AGK: variants seen among roughly 807,000 people sequenced by gnomAD.
AGK encodes the protein acylglycerol kinase.
AGK carries 52 observed loss-of-function variants against 66.4 expected under a neutral mutation model. The ratio of observed to expected loss-of-function variants is 0.78; its 90% confidence interval spans 0.63 to 0.99. The LOEUF is 0.99. Among genes scored for constraint, AGK ranks in the 50% least tolerant of loss-of-function variants. AGK has a pLI of 0.00. For synonymous variants in AGK, 182 were observed against 181.1 expected, an observed-to-expected ratio of 1.00 and a Z score of -0.04; for missense variants, 451 against 506.6, an observed-to-expected ratio of 0.89 and a Z score of 1.05.
intron 2 of AGK, among the ~76,000 whole-genome samples, chr7:141,556,542 A>G (rs954018185): frequency 6.9e-6 from 1 of 145,618 alleles, no homozygotes; most frequent in Non-Finnish European, 1.5e-5. Context: ...CCCTGTCTCA[A>G]AAAAAAAAAA....
intron 8 of AGK, 49 bp downstream of exon 8, chr7:141,615,614 GAATGAAA>G: frequency 1.4e-6 from 2 of 1,462,216 alleles, no homozygotes; most frequent in Non-Finnish European, 1.9e-6. Flanking sequence ...GCGAGACTGG[GAATGAAA>G]AATTTATGTG....
intron 2 of AGK, among the ~76,000 whole-genome samples, chr7:141,568,937 A>G (rs1417818979): frequency 6.6e-6 from 1 of 152,142 alleles, no homozygotes; most frequent in Non-Finnish European, 1.5e-5. Context: ...ACTTTCCTGG[A>G]GATTTTAAAA....
At chr7:141,641,101 C>T in intron 11 of AGK, 147 bp from the exon 12 acceptor site, 1 of 665,374 alleles carries the variant, frequency 1.5e-6, no homozygotes. Flanking sequence ...ATTCCATGCT[C>T]CAAACTAGCA....
At chr7:141,628,941 T>C (rs1738409873) in intron 9 of AGK, among the ~76,000 whole-genome samples, 1 of 152,172 alleles carries the variant, frequency 6.6e-6, no homozygotes, top group Non-Finnish European at 1.5e-5. Context: ...TTTCTTTTTG[T>C]TTTTTCAACT....
chr7:141,554,923 A>C (rs370566708), intron 1 of AGK, among the ~76,000 whole-genome samples: 80 of 152,276 alleles, frequency 5.3e-4, no homozygotes, highest in Middle Eastern at 6.8e-3. Flanking sequence ...AGCCATGTAC[A>C]TTGCCTCTTC....
At chr7:141,606,267 T>A (rs1796458483) in intron 5 of AGK, among the ~76,000 whole-genome samples, 1 of 152,220 alleles carries the variant, frequency 6.6e-6, no homozygotes, top group Non-Finnish European at 1.5e-5. Context: ...GATGCTCCCT[T>A]GAGCCTTCTG....
At chr7:141,601,372 C>A in intron 5 of AGK, 92 bp downstream of exon 5, 1 of 972,958 alleles carries the variant, frequency 1.0e-6, no homozygotes, top group Non-Finnish European at 1.6e-6. Context: ...TTGCTTGTCA[C>A]AAGAGCAAAG....
chr7:141,578,186 G>A (rs1795794761), intron 2 of AGK, among the ~76,000 whole-genome samples: 1 of 151,926 alleles, frequency 6.6e-6, no homozygotes, highest in Non-Finnish European at 1.5e-5. Context: ...GTCAGCGAAG[G>A]GAGATGGGGT....
At chr7:141,588,179 T>C (rs993856083) in intron 2 of AGK, among the ~76,000 whole-genome samples, 2 of 152,332 alleles carry the variant, frequency 1.3e-5, no homozygotes, top group African/African-American at 4.8e-5. Context: ...TAATTGCCCA[T>C]TGAGTATTGT....
At chr7:141,578,046 C>A (rs1310375824) in intron 2 of AGK, among the ~76,000 whole-genome samples, 1 of 152,078 alleles carries the variant, frequency 6.6e-6, no homozygotes, top group Non-Finnish European at 1.5e-5. Context: ...GAACTCCTGA[C>A]CTCAAGTGAT....
intron 2 of AGK, among the ~76,000 whole-genome samples, chr7:141,564,345 T>C (rs1413439297): frequency 6.6e-6 from 1 of 152,180 alleles, no homozygotes. Flanking sequence ...TGGGGAGGCC[T>C]CAGGAAACTT....
intron 5 of AGK, among the ~76,000 whole-genome samples, chr7:141,602,173 TTGTGTGTGTGTG>T (rs71172608): frequency 8.8e-5 from 11 of 125,314 alleles, no homozygotes; most frequent in African/African-American, 2.0e-4. Context: ...GGAGATTTTC[TTGTGTGTGTGTG>T]TGTGTGTGTG....
At chr7:141,649,598 C>T (rs907744043) in intron 14 of AGK, among the ~76,000 whole-genome samples, 1 of 152,184 alleles carries the variant, frequency 6.6e-6, no homozygotes, top group African/African-American at 2.4e-5. Flanking sequence ...CATGACACAG[C>T]GTCAAGAACT....
chr7:141,578,111 G>A (rs1007278685), intron 2 of AGK, among the ~76,000 whole-genome samples: 3 of 152,166 alleles, frequency 2.0e-5, no homozygotes, highest in Admixed American at 2.0e-4. Flanking sequence ...CCACCAAACA[G>A]GCTTTGTGTG....
intron 9 of AGK, among the ~76,000 whole-genome samples, chr7:141,633,061 C>T (rs1368197942): frequency 6.6e-6 from 1 of 152,192 alleles, no homozygotes. Context: ...TCTCCTTGCA[C>T]TGGCTGTGGT....
rs556077555 is a variant in AGK, at chr7:141,611,357, G to A, written c.390+70G>A. 896 of 1,122,884 alleles carry A rather than the reference G, an allele frequency of 8.0e-4. 1 individual carries two copies. Among genetic ancestry groups the A allele is most frequent in the Non-Finnish European group, 1.1e-3 (855 of 782,358 alleles). 69.6% of individuals were successfully genotyped at this position (1,122,884 alleles called of 1,614,324 possible). On this transcript the variant is annotated intron_variant, in intron 6 of 15. Coordinates refer to ENST00000649286, the MANE Select transcript of AGK (RefSeq NM_018238.4). ...ATGGAAATTAAATCCTAGAGCAATG[G>A]TATGTTGTAATTTAAAGAAATTTTT...
At chr7:141,604,398 A>G (rs929010493) in intron 5 of AGK, among the ~76,000 whole-genome samples, 9 of 145,366 alleles carry the variant, frequency 6.2e-5, no homozygotes, top group African/African-American at 1.7e-4. Context: ...ATATATATAT[A>G]TATATACACA....
chr7:141,557,033 T>C (rs1363766052), intron 2 of AGK, among the ~76,000 whole-genome samples: 1 of 152,200 alleles, frequency 6.6e-6, no homozygotes, highest in Non-Finnish European at 1.5e-5. Context: ...AGGACTACAT[T>C]TTAAGTATGT....
At chr7:141,652,677 G>C in intron 15 of AGK, 110 bp from the exon 16 acceptor site, 1 of 1,181,046 alleles carries the variant, frequency 8.5e-7, no homozygotes, top group South Asian at 1.4e-5. Flanking sequence ...AGCTCCTCAA[G>C]AGAGGATGTT....
Sources: allele counts gnomAD v4.1 joint callset (sites outside exome capture counted in the v4.1 genomes callset), GRCh38; gene constraint gnomAD v4.1.1; transcripts MANE v1.5; gene names NCBI Gene and HGNC (gene_info 2026-07-23, HGNC 2026-07-21).